Variants in DNAH3 observed in about 807,000 individuals in gnomAD.
DNAH3 encodes the protein axonemal beta dynein heavy chain 3.
DNAH3 carries 332 observed loss-of-function variants against 432.5 expected under a neutral mutation model. The observed-to-expected ratio is 0.77, with a 90% CI of 0.70 to 0.84. The LOEUF (loss-of-function observed/expected upper bound fraction) is 0.84, where lower values mean the gene tolerates loss of function less well. DNAH3 is among the 40% of genes least tolerant of loss of function. The pLI, the probability that DNAH3 is intolerant of heterozygous loss-of-function variation, is 0.00. For synonymous variants in DNAH3, 1,956 were observed against 1,900.2 expected, an observed-to-expected ratio of 1.03 and a Z score of -0.76; for missense variants, 4,861 against 5,114.0, an observed-to-expected ratio of 0.95 and a Z score of 1.51.
Position 21,136,645 on chromosome 16 carries a change from A to G in DNAH3, c.697-132T>C, listed in dbSNP as rs2092647004. On this transcript the variant is annotated intron_variant, in intron 5 of 61. Transcript: ENST00000261383. ...CACCCTTCACTTGCCATAACCATGC[A>G]TTCTGGGCCTGTCGCTTCACACTCA... 3 of 816,972 alleles carry G rather than the reference A, an allele frequency of 3.7e-6. No homozygotes were observed. The South Asian group carries it at 4.8e-5, about 13-fold the overall frequency. The allele number at this position is 816,972 out of a possible 1,614,324, so 50.6% of individuals were successfully genotyped here.
Position 20,995,810 on chromosome 16 carries a change from C to T in DNAH3, c.6601+1473G>A, listed in dbSNP as rs1349553810. Among the ~76,000 whole-genome samples the T allele has an allele frequency of 3.3e-5, 5 of 152,334 alleles. No homozygotes were observed. In the East Asian group the frequency reaches 9.6e-4, roughly 29 times the overall value. ...CATCCCCTTCAGAGCTCACCATGGG[C>T]TGGGTCACTGCAGTCACTAGTTTCA... On this transcript the variant is annotated intron_variant, in intron 44 of 61. Coordinates refer to ENST00000261383, the Ensembl canonical transcript of DNAH3.
rs769455911 is a variant in DNAH3, at chr16:20,987,682, T to C, written c.6882+11A>G. The C allele has an allele frequency of 1.2e-6, 2 of 1,611,596 alleles. No individual in the cohort carries two copies. Among genetic ancestry groups the C allele is most frequent in the Non-Finnish European group, 8.5e-7 (1 of 1,177,890 alleles). On this transcript the variant is annotated intron_variant, in intron 46 of 61. Transcript: ENST00000261383. ...CTGAATGATCTTGGTAGTAAAATGA[T>C]AGTGGCTGACCTGCAGGTGTGTGTG...
intron 40 of DNAH3, among the ~76,000 whole-genome samples, chr16:21,021,208 A>G (rs958439133): frequency 2.0e-5 from 3 of 152,240 alleles, no homozygotes; most frequent in Admixed American, 6.5e-5. Context: ...TTATACAAAT[A>G]TCTGATCAAG....
At chr16:21,007,732 C>A (rs1250225353) in intron 41 of DNAH3, among the ~76,000 whole-genome samples, 1 of 151,982 alleles carries the variant, frequency 6.6e-6, no homozygotes, top group East Asian at 1.9e-4. Context: ...CCTATTTTTT[C>A]TTTTGTCACT....
chr16:20,977,042 G>A lies in DNAH3; in HGVS notation c.8077-1627C>T, dbSNP rs188619642. Among the ~76,000 whole-genome samples the A allele has an allele frequency of 5.0e-3, 764 of 152,234 alleles. 5 individuals are homozygous for A. The highest frequency in any genetic ancestry group is 0.016 in the African/African-American group (684 of 41,546). On this transcript the variant is annotated intron_variant, in intron 50 of 61. Coordinates refer to ENST00000261383, the Ensembl canonical transcript of DNAH3. Reference sequence around the variant, plus strand: ...CTGAACTCCTCTAATAACAGGGAGCGCACCACCTCTCATGAGGGTTGTGCC... The same window carrying A: ...CTGAACTCCTCTAATAACAGGGAGCACACCACCTCTCATGAGGGTTGTGCC...
At chr16:20,972,196 AT>A (rs1300629993) in intron 51 of DNAH3, among the ~76,000 whole-genome samples, 1 of 151,576 alleles carries the variant, frequency 6.6e-6, no homozygotes, top group Non-Finnish European at 1.5e-5. Context: ...AAAGCTGAAA[AT>A]TCAGAATTGT....
chr16:21,153,686 A>G (rs535751949), intron 1 of DNAH3, among the ~76,000 whole-genome samples: 1 of 152,248 alleles, frequency 6.6e-6, no homozygotes, highest in East Asian at 1.9e-4. Flanking sequence ...GAAACCCACC[A>G]GAAGGAAGAA....
chr16:21,153,702 G>A (rs1014391604), intron 1 of DNAH3, among the ~76,000 whole-genome samples: 4 of 152,048 alleles, frequency 2.6e-5, no homozygotes, highest in South Asian at 2.1e-4. Context: ...AAGAAACTCC[G>A]AACACATCCG....
At chr16:21,025,235 C>T (rs896230418) in intron 38 of DNAH3, among the ~76,000 whole-genome samples, 4 of 151,818 alleles carry the variant, frequency 2.6e-5, no homozygotes, top group African/African-American at 9.7e-5. Flanking sequence ...CCACCTCGCC[C>T]GGCCTGTTCC....
chr16:21,059,078 T>C (rs1010591459), intron 26 of DNAH3, among the ~76,000 whole-genome samples: 1 of 152,232 alleles, frequency 6.6e-6, no homozygotes, highest in African/African-American at 2.4e-5. Context: ...CTGATGCTTT[T>C]GTGCCACAAG....
Position 21,111,583 on chromosome 16 carries a change from G to A in DNAH3, c.2099+43C>T, listed in dbSNP as rs757120265. 3 of 1,570,028 alleles carry A rather than the reference G, an allele frequency of 1.9e-6. No homozygotes were observed. The Admixed American group carries it at 5.2e-5, about 27-fold the overall frequency. On this transcript the variant is annotated intron_variant, in intron 14 of 61. Transcript: ENST00000261383. Reference sequence around the variant, plus strand: ...CTGGTCACTTTTTCGTCTCCAGTTGGTGCCAAATACCATTGCTATTTGTCT... The same window carrying A: ...CTGGTCACTTTTTCGTCTCCAGTTGATGCCAAATACCATTGCTATTTGTCT...
chr16:21,115,221 A>G (rs1452367564), intron 12 of DNAH3, among the ~76,000 whole-genome samples: 2 of 152,008 alleles, frequency 1.3e-5, no homozygotes, highest in Non-Finnish European at 2.9e-5. Flanking sequence ...GAAGGGGAAC[A>G]TCACACACCG....
chr16:20,982,989 G>T, intron 48 of DNAH3, 103 bp from the exon 49 acceptor site: 1 of 1,298,520 alleles, frequency 7.7e-7, no homozygotes, highest in Non-Finnish European at 1.1e-6. Context: ...GTGGGGGCAG[G>T]CTTCCTCCTG....
Position 21,024,595 on chromosome 16 carries a change from C to A in DNAH3, c.5646+1G>T. On this transcript the variant is annotated splice_donor_variant, in intron 39 of 61. Coordinates refer to ENST00000261383, the Ensembl canonical transcript of DNAH3. LOFTEE classifies it high-confidence loss of function. Reference sequence around the variant, plus strand: ...GGAAGGAAAGGGTCTGAGGGGCTCACCAATTCTTTGTGCTCCTTGGTGAGA... The same window carrying A: ...GGAAGGAAAGGGTCTGAGGGGCTCAACAATTCTTTGTGCTCCTTGGTGAGA... 1 of 1,605,484 alleles carries A rather than the reference C, an allele frequency of 6.2e-7. No individual in the cohort carries two copies. Among genetic ancestry groups the A allele is most frequent in the Middle Eastern group, 1.7e-4 (1 of 5,974 alleles).
chr16:20,961,283 G>T (rs2084805102), intron 53 of DNAH3, among the ~76,000 whole-genome samples: 1 of 152,078 alleles, frequency 6.6e-6, no homozygotes, highest in African/African-American at 2.4e-5. Flanking sequence ...AAGTTAAAAT[G>T]AGTTCATTCA....
At chr16:20,957,112 C>A (rs915834726) in intron 54 of DNAH3, among the ~76,000 whole-genome samples, 10 of 152,152 alleles carry the variant, frequency 6.6e-5, no homozygotes, top group African/African-American at 2.4e-4. Context: ...GTGGCCTAAT[C>A]CGACTTTGTA....
At chr16:20,997,213 C>G (rs1195156158) in intron 44 of DNAH3, 70 bp downstream of exon 44, 2 of 1,532,546 alleles carry the variant, frequency 1.3e-6, no homozygotes, top group Admixed American at 1.8e-5. Context: ...CACCAACCCA[C>G]CTTTCATAAA....
rs1440170262 is a variant in DNAH3 at position 21,042,206 on chromosome 16, G to A, written c.4462-3C>T. 3 of 1,589,426 alleles carry A rather than the reference G, an allele frequency of 1.9e-6. No homozygotes were observed. Among genetic ancestry groups the A allele is most frequent in the Non-Finnish European group, 2.6e-6 (3 of 1,168,392 alleles). The stretch of plus-strand genomic sequence containing the variant: ...GCGACCACAGACAGCACTTCTACCT[G>A]GGGTGAGAATGCCCGGCTGATAAGA... On this transcript the variant is annotated splice_polypyrimidine_tract_variant and splice_region_variant and intron_variant, in intron 31 of 61. Transcript: ENST00000261383.
At chr16:20,989,009 G>A (rs2086384642) in intron 44 of DNAH3, among the ~76,000 whole-genome samples, 1 of 152,224 alleles carries the variant, frequency 6.6e-6, no homozygotes, top group Admixed American at 6.5e-5. Context: ...GAGTGTTACA[G>A]CTCATAAAAG....
Sources: gnomAD v4.1 joint callset for allele counts (sites outside exome capture counted in the v4.1 genomes callset) on GRCh38, gnomAD v4.1.1 for gene constraint, MANE v1.5 for transcripts, NCBI Gene and HGNC (gene_info 2026-07-23, HGNC 2026-07-21) for gene names.